The following VPS13A variants were observed in gnomAD, a reference collection of about 807,000 sequenced individuals.
VPS13A encodes vacuolar protein sorting 13 homolog A.
A neutral mutation model predicts 390.9 loss-of-function variants in VPS13A; 264 were observed. The observed-to-expected ratio is 0.68, with a 90% CI of 0.61 to 0.75. The LOEUF (loss-of-function observed/expected upper bound fraction) is 0.75. VPS13A is among the 30% of genes least tolerant of loss of function. VPS13A has a pLI of 0.00. For synonymous variants in VPS13A, 1,231 were observed against 1,227.1 expected (o/e 1.00, Z -0.07); for missense variants, 3,409 against 3,733.9 (o/e 0.91, Z 2.27).
intron 19 of VPS13A, among the ~76,000 whole-genome samples, chr9:77,241,858 C>G (rs191243122): frequency 6.6e-6 from 1 of 152,124 alleles, no homozygotes; most frequent in Non-Finnish European, 1.5e-5. Context: ...ACCTTTTTCT[C>G]CTAATTTTTC....
At chr9:77,211,170 A>G (rs1825955123) in intron 7 of VPS13A, 1 of 154,712 alleles carries the variant, frequency 6.5e-6, no homozygotes, top group South Asian at 2.0e-4. Context: ...TTAAGAGCCT[A>G]TTAAAATAGC....
At chr9:77,384,010 C>T (rs184263357) in intron 68 of VPS13A, among the ~76,000 whole-genome samples, 1 of 149,726 alleles carries the variant, frequency 6.7e-6, no homozygotes, top group Non-Finnish European at 1.5e-5. Flanking sequence ...TTAGCAAACA[C>T]TTAAAAAATA....
intron 71 of VPS13A, among the ~76,000 whole-genome samples, chr9:77,409,948 C>T (rs1318008395): frequency 2.0e-5 from 3 of 151,388 alleles, no homozygotes; most frequent in Non-Finnish European, 4.4e-5. Context: ...CAGAGAATGC[C>T]ACAAAGATAC....
At chr9:77,394,399 C>T (rs1389983425) in intron 68 of VPS13A, among the ~76,000 whole-genome samples, 1 of 152,142 alleles carries the variant, frequency 6.6e-6, no homozygotes, top group Admixed American at 6.5e-5. Context: ...GGAGTCTTGG[C>T]TTCAACTTAA....
At chr9:77,227,934 G>A (rs1823613356) in intron 16 of VPS13A, among the ~76,000 whole-genome samples, 188 bp from the exon 17 acceptor site, 1 of 151,748 alleles carries the variant, frequency 6.6e-6, no homozygotes, top group South Asian at 2.1e-4. Context: ...GTCTGTAATT[G>A]CATTTATTTT....
chr9:77,323,020 T>C, intron 44 of VPS13A, 47 bp from the exon 45 acceptor site: 1 of 1,383,492 alleles, frequency 7.2e-7, no homozygotes, highest in Non-Finnish European at 1.0e-6. Flanking sequence ...AAAATTAATA[T>C]GTAATGAATT....
intron 45 of VPS13A, 70 bp from the exon 46 acceptor site, chr9:77,331,940 C>A: frequency 2.0e-6 from 2 of 1,009,210 alleles, no homozygotes; most frequent in Non-Finnish European, 3.1e-6. Context: ...GTTACATGGA[C>A]ATATTTTTTT....
chr9:77,354,958 A>G (rs1361030776), intron 54 of VPS13A, among the ~76,000 whole-genome samples: 1 of 152,136 alleles, frequency 6.6e-6, no homozygotes, highest in Non-Finnish European at 1.5e-5. Flanking sequence ...CTACTTGAGG[A>G]CATTGTTCCA....
chr9:77,384,004 C>A (rs1398752610), intron 68 of VPS13A, among the ~76,000 whole-genome samples: 20 of 149,712 alleles, frequency 1.3e-4, no homozygotes, highest in African/African-American at 4.6e-4. Flanking sequence ...GTATTATTAG[C>A]AAACACTTAA....
At chr9:77,243,745 G>C (rs982071402) in intron 19 of VPS13A, among the ~76,000 whole-genome samples, 1 of 152,104 alleles carries the variant, frequency 6.6e-6, no homozygotes, top group Non-Finnish European at 1.5e-5. Flanking sequence ...TGTAGTTCTT[G>C]CCTATTGATA....
chr9:77,225,191 GTA>G (rs1823436585), intron 13 of VPS13A, among the ~76,000 whole-genome samples: 1 of 152,136 alleles, frequency 6.6e-6, no homozygotes, highest in Non-Finnish European at 1.5e-5. Context: ...TGAATCTGCA[GTA>G]TCTCTGAGGT....
intron 53 of VPS13A, among the ~76,000 whole-genome samples, chr9:77,352,408 A>G (rs1328066872): frequency 6.6e-6 from 1 of 151,764 alleles, no homozygotes; most frequent in Admixed American, 6.6e-5. Flanking sequence ...GCTGCTGTTG[A>G]GGAGTCTGCT....
In VPS13A at chr9:77,250,118, G is replaced by C. The variant is rs1587418376; in HGVS notation, c.2059G>C (p.Glu687Gln). The change falls in exon 21 of 72, where the codon GAA becomes CAA. Residue 687 changes from glutamate to glutamine, a missense_variant. Around this residue, in one of 5 missense-constraint regions of VPS13A, gnomAD observed 2,717 missense variants for 2,917.4 expected, o/e 0.93. Coordinates refer to ENST00000360280, the MANE Select transcript of VPS13A (RefSeq NM_033305.3). ...HLKVTSKSRS[E>Q]LPDVKQGEAN... Reference sequence around the variant, plus strand: ...GAAGGTGACGAGTAAAAGTCGTTCTGAATTACCAGATGTGAAACAAGGTGA... The same window carrying C: ...GAAGGTGACGAGTAAAAGTCGTTCTCAATTACCAGATGTGAAACAAGGTGA... 1.2e-6 allele frequency: 2 copies of C among 1,613,794 alleles called. No homozygotes were observed. Among genetic ancestry groups the C allele is most frequent in the Non-Finnish European group, 1.7e-6 (2 of 1,179,900 alleles).
intron 19 of VPS13A, among the ~76,000 whole-genome samples, chr9:77,239,652 A>AT (rs1824353664): frequency 6.6e-6 from 1 of 151,626 alleles, no homozygotes; most frequent in African/African-American, 2.4e-5. Context: ...ATGTAATAGG[A>AT]TTTTTTCCAA....
At position 77,371,087 on chromosome 9, in the gene VPS13A, G is replaced by T. The variant is rs762058561; in HGVS notation, c.9015G>T (p.Ala3005=). The change falls in exon 67 of 72, where the codon GCG becomes GCT. Residue 3005 remains alanine, a synonymous_variant. Transcript: ENST00000360280. ...FKGVGKGLVG[A]VARPTGGIID... ...GTGTTGGGAAAGGTTTAGTAGGAGC[G>T]GTAGCAAGGCCAACTGGAGGCATCA... 1 of 1,614,062 alleles carries T rather than the reference G, an allele frequency of 6.2e-7. No homozygotes were observed. Among genetic ancestry groups the T allele is most frequent in the Non-Finnish European group, 8.5e-7 (1 of 1,179,986 alleles).
intron 17 of VPS13A, among the ~76,000 whole-genome samples, chr9:77,233,978 T>C (rs1385963867): frequency 6.6e-6 from 1 of 152,194 alleles, no homozygotes; most frequent in Admixed American, 6.5e-5. Flanking sequence ...TTAATGGAAG[T>C]GGGAGATTGA....
rs754546678 is a variant in VPS13A, at chr9:77,345,038, G to A, written c.7185G>A (p.Leu2395=). 1.8e-5 allele frequency: 29 copies of A among 1,612,482 alleles called. No homozygotes were observed. Among genetic ancestry groups the A allele is most frequent in the Non-Finnish European group, 2.5e-5 (29 of 1,179,818 alleles). ...GAGGTATTATAGCAGAAGTGAATTT[G>A]GCCGAGCATTCTACAGTTATTACAT... is the stretch of plus-strand genomic sequence containing the variant. ...ELGGIIAEVN[L]AEHSTVITFL... is the part of the protein sequence containing the mutation. Residue 2395 remains leucine, a synonymous_variant, in exon 52 of 72, where the codon TTG becomes TTA. Coordinates refer to ENST00000360280, the MANE Select transcript of VPS13A (RefSeq NM_033305.3).
At chr9:77,197,715 A>G (rs953759697) in intron 1 of VPS13A, among the ~76,000 whole-genome samples, 1 of 152,166 alleles carries the variant, frequency 6.6e-6, no homozygotes, top group African/African-American at 2.4e-5. Flanking sequence ...AAATTCATTT[A>G]TGTTTCAAAT....
intron 71 of VPS13A, among the ~76,000 whole-genome samples, chr9:77,410,621 A>C (rs1346064902): frequency 2.3e-5 from 3 of 131,020 alleles, no homozygotes; most frequent in Admixed American, 1.6e-4. Context: ...AATGGAAAAC[A>C]AAAAAAGGCA....
Sources: allele counts gnomAD v4.1 joint callset (sites outside exome capture counted in the v4.1 genomes callset), GRCh38; gene constraint gnomAD v4.1.1; regional missense constraint gnomAD v4.1.1; transcripts MANE v1.5; gene names NCBI Gene and HGNC (gene_info 2026-07-23, HGNC 2026-07-21).